The following RASGRF2 variants were observed in gnomAD, a reference collection of about 807,000 sequenced individuals.
The protein encoded by RASGRF2 is Ras protein specific guanine nucleotide releasing factor 2, also known as ras-specific guanine nucleotide-releasing factor 2.
RASGRF2 carries 76 observed loss-of-function variants against 151.0 expected under a neutral mutation model. The ratio of observed to expected loss-of-function variants is 0.50; its 90% CI spans 0.42 to 0.61. The LOEUF is 0.61. Among genes scored for constraint, RASGRF2 ranks in the 20% least tolerant of loss-of-function variants. RASGRF2 has a pLI of 0.00. For synonymous variants in RASGRF2, 504 were observed against 566.5 expected (o/e 0.89, Z 1.57); for missense variants, 1,148 against 1,564.6 (o/e 0.73, Z 4.49).
intron 1 of RASGRF2, among the ~76,000 whole-genome samples, chr5:80,970,543 G>GT (rs5869063): frequency 0.19 from 28,913 of 151,884 alleles, 3,166 homozygotes; most frequent in East Asian, 0.43. Flanking sequence ...TTCCTCATAG[G>GT]TTTTTTTCCC....
chr5:80,982,375 T>C (rs1396766003), intron 1 of RASGRF2, among the ~76,000 whole-genome samples: 1 of 152,026 alleles, frequency 6.6e-6, no homozygotes, highest in South Asian at 2.1e-4. Flanking sequence ...CTTTCTGGCT[T>C]TGTGGTCAGG....
At chr5:81,211,187 C>T (rs1755623544) in intron 22 of RASGRF2, among the ~76,000 whole-genome samples, 1 of 150,734 alleles carries the variant, frequency 6.6e-6, no homozygotes, top group Non-Finnish European at 1.5e-5. Context: ...GTGACCTCTT[C>T]CTAGAAGCCT....
chr5:81,225,494 G>C (rs1755951964), intron 26 of RASGRF2, among the ~76,000 whole-genome samples, 184 bp from the exon 27 acceptor site: 1 of 149,474 alleles, frequency 6.7e-6, no homozygotes, highest in Admixed American at 6.7e-5. Flanking sequence ...GGGGTTGAGA[G>C]AGGACTAGAG....
intron 1 of RASGRF2, among the ~76,000 whole-genome samples, chr5:81,015,060 A>G (rs1188909384): frequency 1.3e-5 from 2 of 152,110 alleles, no homozygotes; most frequent in Non-Finnish European, 2.9e-5. Context: ...GTTGGATTAC[A>G]GGTGTGAGCT....
At position 81,180,203 on chromosome 5, in the gene RASGRF2, T is replaced by A; in HGVS notation, c.2715T>A (p.Asp905Glu). 6.2e-7 allele frequency: 1 copy of A among 1,612,028 alleles called. No homozygotes were observed. Among genetic ancestry groups the A allele is most frequent in the Non-Finnish European group, 8.5e-7 (1 of 1,178,158 alleles). ...PGFNNTERTC[D>E]KEFIIRRTAT... ...TTAACAACACCGAGAGAACATGTGATAAAGAGTTTATTATACGGAGAACGG... is the reference window on the plus strand; with the variant it reads ...TTAACAACACCGAGAGAACATGTGAAAAAGAGTTTATTATACGGAGAACGG... Residue 905 changes from aspartate (D) to glutamate (E), a missense_variant, in exon 18 of 27, where the codon GAT becomes GAA. By Grantham distance (45) the Asp-to-Glu change is conservative. Coordinates refer to ENST00000265080, the MANE Select transcript of RASGRF2 (RefSeq NM_006909.3).
In RASGRF2 at chr5:81,175,148, T is replaced by G. The variant is rs556802304; in HGVS notation, c.2687-5027T>G. Among the ~76,000 whole-genome samples the G allele has an allele frequency of 3.4e-4, 52 of 152,350 alleles. No homozygotes were observed. The East Asian group carries it at 7.5e-3, about 22-fold the overall frequency. ...CCTCTTTGGTTTCCTGTTTCTTTGC[T>G]TGCAAATTGGGATAACAATGTTTAA... On this transcript the variant is annotated intron_variant, in intron 17 of 26. Coordinates refer to ENST00000265080, the MANE Select transcript of RASGRF2 (RefSeq NM_006909.3).
intron 2 of RASGRF2, among the ~76,000 whole-genome samples, chr5:81,050,680 A>G (rs2112412365): frequency 6.6e-6 from 1 of 152,264 alleles, no homozygotes; most frequent in South Asian, 2.1e-4. Context: ...AGCAGCTTGC[A>G]TCTTTCCTGG....
intron 1 of RASGRF2, among the ~76,000 whole-genome samples, chr5:80,969,812 CTTCTTTT>C: frequency 1.0e-5 from 1 of 98,970 alleles, no homozygotes; most frequent in Middle Eastern, 5.8e-3. Context: ...AATACTTCTT[CTTCTTTT>C]TTTTTTTTTT....
At chr5:81,203,747 A>G (rs975447844) in intron 19 of RASGRF2, among the ~76,000 whole-genome samples, 1 of 152,216 alleles carries the variant, frequency 6.6e-6, no homozygotes, top group Non-Finnish European at 1.5e-5. Context: ...TAGCTACTTC[A>G]TTAGGTTGTT....
intron 12 of RASGRF2, among the ~76,000 whole-genome samples, chr5:81,107,311 A>G (rs1752873133): frequency 6.6e-6 from 1 of 152,098 alleles, no homozygotes; most frequent in East Asian, 1.9e-4. Flanking sequence ...ACGGTGAGCT[A>G]TGATTGTGTC....
intron 5 of RASGRF2, among the ~76,000 whole-genome samples, chr5:81,074,840 A>G (rs1372141841): frequency 6.6e-6 from 1 of 152,190 alleles, no homozygotes; most frequent in East Asian, 1.9e-4. Flanking sequence ...CTGTGCGTGC[A>G]GGGGACATGG....
intron 1 of RASGRF2, among the ~76,000 whole-genome samples, chr5:81,024,403 C>G (rs1051654004): frequency 3.3e-5 from 5 of 151,022 alleles, no homozygotes; most frequent in African/African-American, 1.2e-4. Context: ...GGGATTACAG[C>G]CACCCACCAC....
At chr5:81,156,144 A>G (rs1040881381) in intron 17 of RASGRF2, among the ~76,000 whole-genome samples, 1 of 152,108 alleles carries the variant, frequency 6.6e-6, no homozygotes, top group Non-Finnish European at 1.5e-5. Context: ...AAAAGAAGAA[A>G]AAAAAAATCT....
chr5:81,132,990 G>T (rs985778351), intron 17 of RASGRF2, among the ~76,000 whole-genome samples: 2 of 152,170 alleles, frequency 1.3e-5, no homozygotes, highest in Non-Finnish European at 2.9e-5. Context: ...GTCCAATCCA[G>T]AAAATTCTTG....
chr5:81,047,596 A>G (rs970070565), intron 2 of RASGRF2, among the ~76,000 whole-genome samples: 1 of 152,264 alleles, frequency 6.6e-6, no homozygotes, highest in Non-Finnish European at 1.5e-5. Context: ...AGAGCATACA[A>G]AAGGAAAAAA....
intron 17 of RASGRF2, among the ~76,000 whole-genome samples, chr5:81,141,549 T>G (rs1753885557): frequency 6.6e-6 from 1 of 152,240 alleles, no homozygotes; most frequent in African/African-American, 2.4e-5. Flanking sequence ...CTGCTTTCTT[T>G]GCCCTGATAT....
At position 81,103,900 on chromosome 5, in the gene RASGRF2, C is replaced by T. The variant is rs75033766; in HGVS notation, c.1756-5096C>T. Reference sequence around the variant, plus strand: ...ATATATAGCAGTTAATATGAATGAACGAACTATGCATATAAATATGAACAA... The same window carrying T: ...ATATATAGCAGTTAATATGAATGAATGAACTATGCATATAAATATGAACAA... On this transcript the variant is annotated intron_variant, in intron 12 of 26. Transcript: ENST00000265080. Among the ~76,000 whole-genome samples the T allele has an allele frequency of 6.4e-3, 967 of 151,840 alleles. 13 individuals carry two copies. The highest frequency in any genetic ancestry group is 0.022 in the African/African-American group (904 of 41,466).
At chr5:81,124,957 G>A (rs985809964) in intron 16 of RASGRF2, among the ~76,000 whole-genome samples, 5 of 151,752 alleles carry the variant, frequency 3.3e-5, no homozygotes, top group East Asian at 3.9e-4. Flanking sequence ...GTGCAATCTC[G>A]GCTCAGTGCA....
chr5:81,107,505 G>T (rs191644686), intron 12 of RASGRF2, among the ~76,000 whole-genome samples: 2 of 152,236 alleles, frequency 1.3e-5, no homozygotes, highest in Admixed American at 1.3e-4. Flanking sequence ...TGTGAATTTC[G>T]TAGCTAACAC....
Sources: allele counts gnomAD v4.1 joint callset (sites outside exome capture counted in the v4.1 genomes callset), GRCh38; gene constraint gnomAD v4.1.1; transcripts MANE v1.5; gene names NCBI Gene and HGNC (gene_info 2026-07-23, HGNC 2026-07-21).